The following FBXO21 variants were observed in gnomAD, a reference collection of about 807,000 sequenced individuals.
The protein encoded by FBXO21 is F-box protein 21.
Under a neutral mutation model 76.6 loss-of-function variants are expected in FBXO21, and 32 were observed. The observed-to-expected ratio is 0.42, with a 90% CI of 0.32 to 0.56. The LOEUF (loss-of-function observed/expected upper bound fraction) is 0.56. FBXO21 is among the 20% of genes least tolerant of loss of function. The probability of loss-of-function intolerance (pLI) is 0.16; values close to 1 mark genes in which losing one functional copy is unlikely to be tolerated. For synonymous variants in FBXO21, 328 were observed against 311.5 expected, an observed-to-expected ratio of 1.05 and a Z score of -0.56; for missense variants, 586 against 797.3, an observed-to-expected ratio of 0.73 and a Z score of 3.19.
At chr12:117,162,684 G>A (rs996553757) in intron 9 of FBXO21, among the ~76,000 whole-genome samples, 1 of 152,152 alleles carries the variant, frequency 6.6e-6, no homozygotes, top group Non-Finnish European at 1.5e-5. Flanking sequence ...TCCCAGCTCA[G>A]GAATGTCTCC....
At chr12:117,177,850 G>C (rs750325940) in intron 3 of FBXO21, among the ~76,000 whole-genome samples, 2 of 152,156 alleles carry the variant, frequency 1.3e-5, no homozygotes, top group Non-Finnish European at 2.9e-5. Flanking sequence ...TTATCTGCCT[G>C]GCTTCAGACT....
chr12:117,155,661 G>A, intron 11 of FBXO21, 130 bp downstream of exon 11: 1 of 1,045,334 alleles, frequency 9.6e-7, no homozygotes, highest in Non-Finnish European at 1.4e-6. Flanking sequence ...CCCGAAGGAG[G>A]CCGGCCATGG....
chr12:117,155,553 C>A (rs1955904763), intron 11 of FBXO21: 2 of 586,226 alleles, frequency 3.4e-6, no homozygotes, highest in East Asian at 2.9e-5. Context: ...GATGTCCGGG[C>A]TGTGGGAGCG....
intron 11 of FBXO21, among the ~76,000 whole-genome samples, chr12:117,150,959 TGTGTGTGTGTG>T (rs1955834840): frequency 5.4e-4 from 21 of 38,862 alleles, no homozygotes; most frequent in African/African-American, 6.6e-4. Flanking sequence ...AATAAGTTTG[TGTGTGTGTGTG>T]TGTGTGTGTG....
intron 1 of FBXO21, among the ~76,000 whole-genome samples, chr12:117,189,642 G>C (rs1422980239): frequency 6.6e-6 from 1 of 152,132 alleles, no homozygotes; most frequent in African/African-American, 2.4e-5. Flanking sequence ...AGCACTGATT[G>C]AGCGCCTCCT....
intron 2 of FBXO21, 89 bp downstream of exon 2, chr12:117,189,138 T>A: frequency 6.9e-7 from 1 of 1,450,672 alleles, no homozygotes; most frequent in Non-Finnish European, 9.6e-7. Flanking sequence ...AAAAGGGAGA[T>A]ACGAAAAGAG....
At position 117,172,460 on chromosome 12, in the gene FBXO21, C is replaced by T. The variant is rs758517203; in HGVS notation, c.1013+11G>A. 1.2e-6 allele frequency: 2 copies of T among 1,609,340 alleles called. No individual in the cohort carries two copies. The highest frequency in any genetic ancestry group is 1.7e-6 in the Non-Finnish European group (2 of 1,176,850). ...CTTCAGGACCACAGATAATGTGTCA[C>T]GGATGCTCACCCTTCTGCGCCTTGG... On this transcript the variant is annotated intron_variant, in intron 7 of 11. Transcript: ENST00000622495.
intron 3 of FBXO21, among the ~76,000 whole-genome samples, chr12:117,178,218 G>C (rs1373574183): frequency 2.0e-5 from 3 of 152,048 alleles, no homozygotes; most frequent in Non-Finnish European, 4.4e-5. Context: ...TAAAACCTGC[G>C]AGTCATCCTG....
chr12:117,154,008 C>T (rs1267997703), intron 11 of FBXO21, among the ~76,000 whole-genome samples: 3 of 152,140 alleles, frequency 2.0e-5, no homozygotes. Flanking sequence ...ATAATGATGC[C>T]ATGTGGTAAA....
intron 2 of FBXO21, among the ~76,000 whole-genome samples, chr12:117,187,464 A>G (rs1956295387): frequency 6.6e-6 from 1 of 151,628 alleles, no homozygotes; most frequent in Non-Finnish European, 1.5e-5. Context: ...TGAGTTTAAA[A>G]TTCTATGGCT....
intron 11 of FBXO21, among the ~76,000 whole-genome samples, chr12:117,152,278 G>A (rs903017829): frequency 3.9e-5 from 6 of 152,114 alleles, no homozygotes. Flanking sequence ...ACCAGCCTGG[G>A]CTACATGGTG....
At position 117,185,746 on chromosome 12, in the gene FBXO21, T is replaced by A. The variant is rs534196229; in HGVS notation, c.470+731A>T. Among the ~76,000 whole-genome samples the A allele has an allele frequency of 3.3e-5, 5 of 152,326 alleles. No individual in the cohort carries two copies. In the East Asian group the frequency reaches 5.8e-4, roughly 18 times the overall value. On this transcript the variant is annotated intron_variant, in intron 3 of 11. Coordinates refer to ENST00000622495, the MANE Select transcript of FBXO21 (RefSeq NM_015002.3). ...ACCGCAATTCAGAAATTGTAAAAAA[T>A]CATCCATTAAATTAAGACATGCCTA...
chr12:117,166,778 A>C (rs1956057951), intron 8 of FBXO21, 120 bp downstream of exon 8: 1 of 738,380 alleles, frequency 1.4e-6, no homozygotes, highest in Non-Finnish European at 2.3e-6. Flanking sequence ...TCGCAAAGAG[A>C]ACTTCTTAGG....
chr12:117,167,132 TC>T, intron 7 of FBXO21, 55 bp from the exon 8 acceptor site: 1 of 1,382,456 alleles, frequency 7.2e-7, no homozygotes, highest in Non-Finnish European at 1.0e-6. Flanking sequence ...ATTTTAAGTC[TC>T]CACAGTAAGT....
chr12:117,159,729 G>A (rs992696095), intron 9 of FBXO21, among the ~76,000 whole-genome samples: 8 of 152,104 alleles, frequency 5.3e-5, no homozygotes, highest in African/African-American at 1.9e-4. Flanking sequence ...CCAACAAGCC[G>A]CTTTTTCTGC....
intron 3 of FBXO21, among the ~76,000 whole-genome samples, chr12:117,179,428 C>T: frequency 6.6e-6 from 1 of 152,182 alleles, no homozygotes; most frequent in Non-Finnish European, 1.5e-5. Flanking sequence ...TTCTAAATCT[C>T]TTAATCTACA....
rs1248339871 is a variant in FBXO21 at position 117,142,111 on chromosome 12, A to G, written c.*3976T>C. On this transcript the variant is annotated 3_prime_UTR_variant, in exon 12 of 12. Transcript: ENST00000622495. Reference sequence around the variant, plus strand: ...TTTATTCACCGGAGGGACGTCCTTTACTTTCAAGATTCTAAATTTTTCAGA... The same window carrying G: ...TTTATTCACCGGAGGGACGTCCTTTGCTTTCAAGATTCTAAATTTTTCAGA... 1 of 151,982 alleles carries G rather than the reference A, an allele frequency of 6.6e-6. No individual in the cohort carries two copies. The highest frequency in any genetic ancestry group is 1.5e-5 in the Non-Finnish European group (1 of 67,954). 9.4% of individuals were successfully genotyped at this position (151,982 alleles called of 1,614,324 possible).
In FBXO21 at chr12:117,145,225, G is replaced by GTA. The variant is rs1387993131; in HGVS notation, c.*860_*861dup. On this transcript the variant is annotated 3_prime_UTR_variant, in exon 12 of 12. Transcript: ENST00000622495. The stretch of plus-strand genomic sequence containing the variant: ...ACTACAAAAAGAACCCATCACTGAT[G>GTA]TAAGACCTACTCATGATACTGAAGT... 2.0e-5 allele frequency: 3 copies of GTA among 151,816 alleles called. No individual in the cohort carries two copies. Among genetic ancestry groups the GTA allele is most frequent in the African/African-American group, 7.3e-5 (3 of 41,350 alleles). The allele number at this position is 151,816 out of a possible 1,614,324, so 9.4% of individuals were successfully genotyped here. A position where few individuals can be genotyped will look rare whatever the true frequency, so the allele number is the denominator to read the frequency against.
At chr12:117,189,023 A>G in intron 2 of FBXO21, 1 of 617,538 alleles carries the variant, frequency 1.6e-6, no homozygotes, top group Non-Finnish European at 2.8e-6. Context: ...GGCTTTAGAA[A>G]AGTAAAGCTG....
Sources: gnomAD v4.1 joint callset for allele counts (sites outside exome capture counted in the v4.1 genomes callset) on GRCh38, gnomAD v4.1.1 for gene constraint, MANE v1.5 for transcripts, NCBI Gene and HGNC (gene_info 2026-07-23, HGNC 2026-07-21) for gene names.